Variants in ERBB4 observed in about 807,000 individuals in gnomAD.
ERBB4 encodes erb-b2 receptor tyrosine kinase 4, also known as receptor tyrosine-protein kinase erbB-4.
Under a neutral mutation model 158.0 loss-of-function variants are expected in ERBB4, and 42 were observed. The observed-to-expected ratio is 0.27, with a 90% CI of 0.21 to 0.34. The LOEUF (loss-of-function observed/expected upper bound fraction) is 0.34, where lower values mean the gene tolerates loss of function less well. Ranked by LOEUF, ERBB4 falls within the 10% of genes least tolerant of loss-of-function variation. The pLI is 1.00. For synonymous variants in ERBB4, 583 were observed against 558.7 expected (o/e 1.04, Z -0.61); for missense variants, 1,333 against 1,624.1 (o/e 0.82, Z 3.08).
intron 20 of ERBB4, among the ~76,000 whole-genome samples, chr2:211,449,930 T>C (rs1274289395): frequency 6.6e-6 from 1 of 152,198 alleles, no homozygotes; most frequent in Non-Finnish European, 1.5e-5. Context: ...ATAACTTATA[T>C]AATGAACACT....
At chr2:212,016,874 TATAAAA>T (rs2076540758) in intron 2 of ERBB4, among the ~76,000 whole-genome samples, 1 of 152,078 alleles carries the variant, frequency 6.6e-6, no homozygotes, top group Non-Finnish European at 1.5e-5. Flanking sequence ...TTTGGGGACT[TATAAAA>T]AGAAAGATAT....
At chr2:211,887,132 G>C (rs556607379) in intron 3 of ERBB4, among the ~76,000 whole-genome samples, 84 of 151,822 alleles carry the variant, frequency 5.5e-4, no homozygotes, top group Admixed American at 9.2e-4. Flanking sequence ...CCCTGTAATA[G>C]GTCCACTCCC....
At chr2:211,609,750 A>T (rs540317298) in intron 19 of ERBB4, among the ~76,000 whole-genome samples, 1 of 152,208 alleles carries the variant, frequency 6.6e-6, no homozygotes, top group South Asian at 2.1e-4. Flanking sequence ...AATTTGCATC[A>T]TGTCAGTGAG....
At chr2:211,915,842 A>T (rs1202635850) in intron 3 of ERBB4, among the ~76,000 whole-genome samples, 1 of 151,960 alleles carries the variant, frequency 6.6e-6, no homozygotes, top group Non-Finnish European at 1.5e-5. Flanking sequence ...TAGTAATAGC[A>T]ACATTAAATA....
chr2:211,986,764 G>A (rs1303577375), intron 2 of ERBB4, among the ~76,000 whole-genome samples: 2 of 152,022 alleles, frequency 1.3e-5, no homozygotes, highest in Admixed American at 1.3e-4. Context: ...CATGGCATAC[G>A]GTGAAGGTTA....
At chr2:212,529,086 T>C (rs931328425) in intron 1 of ERBB4, among the ~76,000 whole-genome samples, 3 of 152,118 alleles carry the variant, frequency 2.0e-5, no homozygotes, top group African/African-American at 7.2e-5. Context: ...TTGTATTGTG[T>C]TTTATTGGCC....
rs150174107 is a variant in ERBB4 at position 211,655,765 on chromosome 2, C to T, written c.1946+1989G>A. Among the ~76,000 whole-genome samples, 296 of 152,248 alleles carry T rather than the reference C, an allele frequency of 1.9e-3. 1 individual carries two copies. Among genetic ancestry groups the T allele is most frequent in the African/African-American group, 6.3e-3 (263 of 41,530 alleles). Reference sequence around the variant, plus strand: ...CTTATAAAACTATAGTTTAGGCCTTCGGCACTCTCTCCCTCTCTCTAATTT... The same window carrying T: ...CTTATAAAACTATAGTTTAGGCCTTTGGCACTCTCTCCCTCTCTCTAATTT... On this transcript the variant is annotated intron_variant, in intron 16 of 27. Transcript: ENST00000342788.
intron 2 of ERBB4, among the ~76,000 whole-genome samples, chr2:212,003,869 T>C (rs2076199732): frequency 6.6e-6 from 1 of 152,174 alleles, no homozygotes; most frequent in Admixed American, 6.5e-5. Flanking sequence ...GGGCAAGTTA[T>C]ATATTTTCTC....
At chr2:212,450,325 T>C (rs954588652) in intron 1 of ERBB4, among the ~76,000 whole-genome samples, 7 of 152,182 alleles carry the variant, frequency 4.6e-5, no homozygotes, top group African/African-American at 1.7e-4. Flanking sequence ...ACAATAAATG[T>C]AGGGTGCCTG....
chr2:212,093,006 A>G (rs2078825688), intron 2 of ERBB4, among the ~76,000 whole-genome samples: 1 of 152,182 alleles, frequency 6.6e-6, no homozygotes, highest in Admixed American at 6.5e-5. Context: ...ATTGATACGA[A>G]TTCTAGGATG....
chr2:212,301,924 T>C (rs930797903), intron 1 of ERBB4, among the ~76,000 whole-genome samples: 1 of 151,434 alleles, frequency 6.6e-6, no homozygotes, highest in Non-Finnish European at 1.5e-5. Flanking sequence ...TAAAAGACTT[T>C]CAAGAAATGC....
intron 1 of ERBB4, among the ~76,000 whole-genome samples, chr2:212,217,643 C>A (rs115797527): frequency 0.032 from 4,785 of 151,224 alleles, 75 homozygotes; most frequent in Middle Eastern, 0.037. Context: ...AATCTATTGT[C>A]ATCAGAACAC....
At chr2:211,641,404 G>A (rs2070583796) in intron 16 of ERBB4, among the ~76,000 whole-genome samples, 2 of 152,022 alleles carry the variant, frequency 1.3e-5, no homozygotes, top group South Asian at 4.1e-4. Flanking sequence ...TCATTTGCAA[G>A]AGGAACAAAC....
In ERBB4 at chr2:211,555,191, CTTTTTTTT is replaced by C. The variant is rs535516488; in HGVS notation, c.2487+6704_2487+6711del. Among the ~76,000 whole-genome samples, 7 of 146,908 alleles carry C rather than the reference CTTTTTTTT, an allele frequency of 4.8e-5. No homozygotes were observed. The South Asian group carries it at 1.3e-3, about 27-fold the overall frequency. On this transcript the variant is annotated intron_variant, in intron 20 of 27. Transcript: ENST00000342788. ...ATTTTGGTGTTTAAGTCTGTGTTTT[CTTTTTTTT>C]TTTGAGACGGAGTTTCGCTCTTGTT...
chr2:211,752,351 T>C (rs1184647115), intron 4 of ERBB4, among the ~76,000 whole-genome samples: 2 of 152,032 alleles, frequency 1.3e-5, no homozygotes, highest in African/African-American at 2.4e-5. Flanking sequence ...ATCCTCTAAA[T>C]TGATCCATTA....
intron 9 of ERBB4, among the ~76,000 whole-genome samples, chr2:211,708,026 T>C (rs1313742523): frequency 6.6e-6 from 1 of 152,128 alleles, no homozygotes; most frequent in African/African-American, 2.4e-5. Context: ...AACATTTCTT[T>C]AATTCACTGT....
intron 3 of ERBB4, among the ~76,000 whole-genome samples, chr2:211,930,772 A>G (rs2080152621): frequency 6.6e-6 from 1 of 152,182 alleles, no homozygotes; most frequent in South Asian, 2.1e-4. Flanking sequence ...AGTTATCAAA[A>G]TATTCTTAAT....
intron 1 of ERBB4, among the ~76,000 whole-genome samples, chr2:212,318,025 A>C (rs1002104886): frequency 1.3e-5 from 2 of 151,656 alleles, no homozygotes; most frequent in Non-Finnish European, 3.0e-5. Context: ...CTTTCATTGA[A>C]TACTTATGCT....
At chr2:212,383,607 A>G (rs2090580986) in intron 1 of ERBB4, among the ~76,000 whole-genome samples, 2 of 151,756 alleles carry the variant, frequency 1.3e-5, no homozygotes, top group South Asian at 4.1e-4. Context: ...ATTCACCTCA[A>G]GAGACAAAGC....
Sources: allele counts gnomAD v4.1 joint callset (sites outside exome capture counted in the v4.1 genomes callset), GRCh38; gene constraint gnomAD v4.1.1; transcripts MANE v1.5; gene names NCBI Gene and HGNC (gene_info 2026-07-23, HGNC 2026-07-21).